The following LMNTD1 variants were observed in gnomAD, a reference collection of about 807,000 sequenced individuals.
LMNTD1 encodes the protein lamin tail domain-containing protein 1.
A neutral mutation model predicts 50.9 loss-of-function variants in LMNTD1; 35 were observed. The ratio of observed to expected loss-of-function variants is 0.69; its 90% CI spans 0.53 to 0.91. LMNTD1 has a LOEUF of 0.91. LMNTD1 is among the 40% of genes least tolerant of loss of function. The pLI is 0.00. For missense variants in LMNTD1, 470 were observed against 475.5 expected, an observed-to-expected ratio of 0.99 and a Z score of 0.11; for synonymous variants, 153 against 161.9, an observed-to-expected ratio of 0.94 and a Z score of 0.42.
At position 25,620,771 on chromosome 12, in the gene LMNTD1, G is replaced by A. The variant is rs561167941; in HGVS notation, c.58+27723C>T. On this transcript the variant is annotated intron_variant, in intron 1 of 7. Transcript: ENST00000445693. ...CCTGTGGATTGTACTCCACTCCGTA[G>A]CTACTACTGTTTAGCTTCCATGTCT... 2.0e-4 allele frequency among the ~76,000 whole-genome samples: 31 copies of A among 152,296 alleles called. 1 individual carries two copies. The South Asian group carries it at 6.2e-3, about 31-fold the overall frequency.
chr12:25,522,003 T>C (rs1403408994), intron 6 of LMNTD1, among the ~76,000 whole-genome samples: 1 of 152,224 alleles, frequency 6.6e-6, no homozygotes, highest in African/African-American at 2.4e-5. Context: ...CTACTTGTTC[T>C]AGTGATCTGT....
At position 25,503,805 on chromosome 12, in the gene LMNTD1, A is replaced by G; in HGVS notation, c.1190-5T>C. On this transcript the variant is annotated splice_polypyrimidine_tract_variant and splice_region_variant and intron_variant, in intron 8 of 9. Transcript: ENST00000458174. ...ATGTCTTCTTTTTCTTAGACCCTGA[A>G]AATTAAAAAAAATAATTAAAAAAAG... is the stretch of plus-strand genomic sequence containing the variant. 1 of 1,535,392 alleles carries G rather than the reference A, an allele frequency of 6.5e-7. No individual in the cohort carries two copies. Among genetic ancestry groups the G allele is most frequent in the Non-Finnish European group, 8.9e-7 (1 of 1,121,848 alleles).
chr12:25,619,663 C>T (rs773292223), intron 1 of LMNTD1, among the ~76,000 whole-genome samples: 15 of 152,176 alleles, frequency 9.9e-5, no homozygotes, highest in Non-Finnish European at 2.1e-4. Flanking sequence ...GCTTGTTCTG[C>T]CATTTTCCCA....
intron 1 of LMNTD1, among the ~76,000 whole-genome samples, chr12:25,585,761 T>G (rs1398310003): frequency 6.6e-6 from 1 of 152,246 alleles, no homozygotes; most frequent in Non-Finnish European, 1.5e-5. Context: ...AATTATCTTT[T>G]CTCATTGGTG....
intron 4 of LMNTD1, among the ~76,000 whole-genome samples, chr12:25,535,241 A>G (rs1325869666): frequency 1.3e-5 from 2 of 152,186 alleles, no homozygotes; most frequent in Non-Finnish European, 2.9e-5. Context: ...AAGACATAAC[A>G]ATATACACCA....
At position 25,510,136 on chromosome 12, in the gene LMNTD1, AT is replaced by A. The variant is rs796287984; in HGVS notation, c.1190-6337del. On this transcript the variant is annotated intron_variant, in intron 8 of 9. Coordinates refer to ENST00000458174, the MANE Select transcript of LMNTD1 (RefSeq NM_001145728.2). ...TTTGTTCATGTTTTGATTGTTTCCA[AT>A]TTTTTTTTACTTCTCTCTATAGCTC... is the stretch of plus-strand genomic sequence containing the variant. Among the ~76,000 whole-genome samples, 462 of 151,010 alleles carry A rather than the reference AT, an allele frequency of 3.1e-3. 3 individuals are homozygous for A. Among genetic ancestry groups the A allele is most frequent in the African/African-American group, 0.011 (435 of 41,256 alleles).
chr12:25,593,517 C>G (rs1021222293), intron 1 of LMNTD1, among the ~76,000 whole-genome samples: 1 of 151,992 alleles, frequency 6.6e-6, no homozygotes, highest in Non-Finnish European at 1.5e-5. Flanking sequence ...GGGGAGAGTA[C>G]TATATTAAGG....
intron 8 of LMNTD1, among the ~76,000 whole-genome samples, chr12:25,508,086 C>CTTACCAGTT (rs1448897359): frequency 2.1e-5 from 3 of 141,540 alleles, no homozygotes; most frequent in African/African-American, 7.7e-5. Context: ...TGGAACCATG[C>CTTACCAGTT]TTTCTTCCCT....
At chr12:25,599,369 CA>C (rs1224000249) in intron 1 of LMNTD1, among the ~76,000 whole-genome samples, 1 of 151,774 alleles carries the variant, frequency 6.6e-6, no homozygotes, top group Non-Finnish European at 1.5e-5. Flanking sequence ...TGGGGAAAAT[CA>C]AAAAGCCCTT....
At chr12:25,584,818 G>C (rs1007466660) in intron 1 of LMNTD1, among the ~76,000 whole-genome samples, 4 of 151,886 alleles carry the variant, frequency 2.6e-5, no homozygotes, top group Non-Finnish European at 5.9e-5. Context: ...CATAGACTGG[G>C]GTCTAATACT....
At position 25,517,270 on chromosome 12, in the gene LMNTD1, C is replaced by T. The variant is rs1223642860; in HGVS notation, c.1189+1525G>A. On this transcript the variant is annotated intron_variant, in intron 8 of 9. Coordinates refer to ENST00000458174, the MANE Select transcript of LMNTD1 (RefSeq NM_001145728.2). ...GACACATGCACACATATGTTTATTG[C>T]GGCACTATTCACAATAGCAAAGACT... Among the ~76,000 whole-genome samples the T allele has an allele frequency of 1.3e-4, 8 of 59,660 alleles. 3 individuals carry two copies. The highest frequency in any genetic ancestry group is 1.9e-3 in the East Asian group (2 of 1,030). 39.1% of individuals were successfully genotyped at this position (59,660 alleles called of 152,430 possible).
intron 4 of LMNTD1, among the ~76,000 whole-genome samples, chr12:25,533,988 G>T (rs1942399690): frequency 1.3e-5 from 2 of 152,206 alleles, no homozygotes; most frequent in African/African-American, 4.8e-5. Context: ...TAGAGGTTGA[G>T]ATGGAGGATG....
intron 1 of LMNTD1, among the ~76,000 whole-genome samples, chr12:25,588,158 G>A (rs961059636): frequency 1.3e-5 from 2 of 152,084 alleles, no homozygotes; most frequent in African/African-American, 4.8e-5. Flanking sequence ...TATACTAAAT[G>A]GAAAATGTTC....
chr12:25,604,947 A>G (rs1946062124), intron 1 of LMNTD1, among the ~76,000 whole-genome samples: 1 of 152,208 alleles, frequency 6.6e-6, no homozygotes, highest in South Asian at 2.1e-4. Flanking sequence ...TGGTTGAACT[A>G]GTTTACAGTC....
At chr12:25,640,177 G>A (rs777751420) in intron 1 of LMNTD1, among the ~76,000 whole-genome samples, 6 of 152,116 alleles carry the variant, frequency 3.9e-5, no homozygotes, top group Non-Finnish European at 8.8e-5. Context: ...GACTGCTAAC[G>A]AGTGTGAAGT....
intron 9 of LMNTD1, among the ~76,000 whole-genome samples, chr12:25,492,865 A>C (rs1309204747): frequency 6.6e-6 from 1 of 152,234 alleles, no homozygotes; most frequent in Non-Finnish European, 1.5e-5. Context: ...GCCCCAGAAT[A>C]CAAAGCTCAC....
At chr12:25,614,464 A>G (rs1425979664) in intron 1 of LMNTD1, among the ~76,000 whole-genome samples, 1 of 152,148 alleles carries the variant, frequency 6.6e-6, no homozygotes, top group African/African-American at 2.4e-5. Context: ...CATCTTGCAG[A>G]GTAGTCATCC....
In LMNTD1 at chr12:25,527,693, C is replaced by CAT. The variant is rs1469827613; in HGVS notation, c.492-739_492-738insAT. Among the ~76,000 whole-genome samples, 37 of 96,848 alleles carry CAT rather than the reference C, an allele frequency of 3.8e-4. 1 individual carries two copies. Among genetic ancestry groups the CAT allele is most frequent in the African/African-American group, 1.4e-3 (36 of 26,594 alleles). The allele number at this position is 96,848 out of a possible 152,430, so 63.5% of individuals were successfully genotyped here. On this transcript the variant is annotated intron_variant, in intron 4 of 9. Coordinates refer to ENST00000458174, the MANE Select transcript of LMNTD1 (RefSeq NM_001145728.2). ...ATATATATATATATACACACACACACACACACACACACACACACACACACA... is the reference window on the plus strand; with the variant it reads ...ATATATATATATATACACACACACACATACACACACACACACACACACACACA...
At chr12:25,561,105 A>G (rs1275829521) in intron 1 of LMNTD1, among the ~76,000 whole-genome samples, 1 of 151,954 alleles carries the variant, frequency 6.6e-6, no homozygotes, top group Non-Finnish European at 1.5e-5. Context: ...TCCTTGATTC[A>G]TTGATTTTTT....
Sources: gnomAD v4.1 joint callset for allele counts (sites outside exome capture counted in the v4.1 genomes callset) on GRCh38, gnomAD v4.1.1 for gene constraint, MANE v1.5 for transcripts, NCBI Gene and HGNC (gene_info 2026-07-23, HGNC 2026-07-21) for gene names.